EPHB1: variants seen among roughly 807,000 people sequenced by gnomAD.
EPHB1 encodes EPH receptor B1, also known as ephrin type-B receptor 1.
EPHB1 carries 30 observed loss-of-function variants against 94.4 expected under a neutral mutation model. The observed-to-expected ratio is 0.32, with a 90% CI of 0.24 to 0.43. The LOEUF (loss-of-function observed/expected upper bound fraction) is 0.43. EPHB1 is among the 20% of genes least tolerant of loss of function. EPHB1 has a pLI of 1.00. For synonymous variants in EPHB1, 522 were observed against 489.1 expected, an observed-to-expected ratio of 1.07 and a Z score of -0.89; for missense variants, 1,055 against 1,308.3, an observed-to-expected ratio of 0.81 and a Z score of 2.99.
intron 3 of EPHB1, among the ~76,000 whole-genome samples, chr3:135,039,426 G>C (rs1052822719): frequency 6.6e-6 from 1 of 152,300 alleles, no homozygotes; most frequent in East Asian, 1.9e-4. Flanking sequence ...CCGTGCGCTC[G>C]CATTCCTCAT....
At position 134,882,765 on chromosome 3, in the gene EPHB1, C is replaced by CTTTCTTT. The variant is rs1553861895; in HGVS notation, c.59-43051_59-43050insTTTCTTT. Among the ~76,000 whole-genome samples the CTTTCTTT allele has an allele frequency of 9.3e-3, 743 of 79,852 alleles. 19 individuals carry two copies. Among genetic ancestry groups the CTTTCTTT allele is most frequent in the South Asian group, 0.018 (36 of 2,020 alleles). The allele number at this position is 79,852 out of a possible 152,430, so 52.4% of individuals were successfully genotyped here. Reference sequence around the variant, plus strand: ...TTCTTTCTTCCTTTCTTCCTTCCTTCCTTTCTTTCTTTCTTTCTTTCTTTC... The same window carrying CTTTCTTT: ...TTCTTTCTTCCTTTCTTCCTTCCTTCTTTCTTTCTTTCTTTCTTTCTTTCTTTCTTTC... On this transcript the variant is annotated intron_variant, in intron 1 of 15. Coordinates refer to ENST00000398015, the MANE Select transcript of EPHB1 (RefSeq NM_004441.5).
intron 3 of EPHB1, among the ~76,000 whole-genome samples, chr3:135,034,974 T>C (rs1454805371): frequency 6.6e-6 from 1 of 152,230 alleles, no homozygotes; most frequent in African/African-American, 2.4e-5. Context: ...ACCTTGAGTA[T>C]GAAAGGCGGA....
At chr3:135,055,252 A>G (rs1006782377) in intron 3 of EPHB1, among the ~76,000 whole-genome samples, 3 of 152,238 alleles carry the variant, frequency 2.0e-5, no homozygotes, top group African/African-American at 2.4e-5. Context: ...ATGATTATGC[A>G]TAACACTTCA....
At chr3:134,953,903 T>C (rs1387094695) in intron 3 of EPHB1, among the ~76,000 whole-genome samples, 1 of 152,240 alleles carries the variant, frequency 6.6e-6, no homozygotes, top group Non-Finnish European at 1.5e-5. Context: ...CCAAATTGTT[T>C]CTTTCCATTT....
At chr3:134,811,263 T>TTTTTTTC (rs1553853002) in intron 1 of EPHB1, among the ~76,000 whole-genome samples, 1 of 148,060 alleles carries the variant, frequency 6.8e-6, no homozygotes, top group Non-Finnish European at 1.5e-5. Context: ...TTTTTTTTTT[T>TTTTTTTC]CTGTCTTGCT....
chr3:135,135,339 GA>G (rs548680920), intron 5 of EPHB1, among the ~76,000 whole-genome samples: 12 of 152,196 alleles, frequency 7.9e-5, no homozygotes, highest in Non-Finnish European at 1.8e-4. Flanking sequence ...CTGATTTGAT[GA>G]ATCTATGTGT....
intron 3 of EPHB1, among the ~76,000 whole-genome samples, chr3:135,056,862 G>A (rs929542351): frequency 6.6e-6 from 1 of 152,156 alleles, no homozygotes; most frequent in East Asian, 1.9e-4. Flanking sequence ...CATCCAGGCG[G>A]TGAGCCCCAA....
intron 1 of EPHB1, among the ~76,000 whole-genome samples, chr3:134,824,597 T>G (rs2036442683): frequency 6.6e-6 from 1 of 152,182 alleles, no homozygotes; most frequent in African/African-American, 2.4e-5. Flanking sequence ...TTTCCTCCCC[T>G]TAAGTATGGA....
intron 3 of EPHB1, among the ~76,000 whole-genome samples, chr3:135,046,698 C>A (rs1937010003): frequency 6.6e-6 from 1 of 152,192 alleles, no homozygotes; most frequent in South Asian, 2.1e-4. Flanking sequence ...GCCGAGCAAT[C>A]TGTGTCTTAA....
chr3:135,030,521 C>T (rs9827226), intron 3 of EPHB1, among the ~76,000 whole-genome samples: 48,588 of 152,088 alleles, frequency 0.32, 9,109 homozygotes, highest in Non-Finnish European at 0.41. Context: ...AGGGTGCCTC[C>T]CAGTTAGGCT....
At chr3:135,237,118 G>C (rs746813011) in intron 12 of EPHB1, among the ~76,000 whole-genome samples, 6 of 152,086 alleles carry the variant, frequency 3.9e-5, no homozygotes, top group African/African-American at 7.2e-5. Context: ...GCTGCAGACT[G>C]TCTGAAGCTG....
intron 1 of EPHB1, among the ~76,000 whole-genome samples, chr3:134,867,343 C>T (rs1217747619): frequency 1.3e-5 from 2 of 152,188 alleles, no homozygotes; most frequent in Non-Finnish European, 2.9e-5. Flanking sequence ...CCCCACTGCT[C>T]AAATGATGGA....
intron 3 of EPHB1, among the ~76,000 whole-genome samples, chr3:135,049,233 A>G (rs772419936): frequency 2.0e-5 from 3 of 152,218 alleles, no homozygotes; most frequent in Admixed American, 6.5e-5. Flanking sequence ...AAGCCACTTA[A>G]TGTGTTCTGA....
At chr3:134,937,914 T>TG (rs2039037869) in intron 2 of EPHB1, among the ~76,000 whole-genome samples, 1 of 144,812 alleles carries the variant, frequency 6.9e-6, no homozygotes, top group African/African-American at 2.6e-5. Context: ...GTTCCCTCCT[T>TG]TTTTTTTTTT....
intron 3 of EPHB1, among the ~76,000 whole-genome samples, chr3:134,984,628 G>T (rs1054907630): frequency 4.0e-5 from 6 of 151,874 alleles, no homozygotes; most frequent in African/African-American, 1.2e-4. Context: ...AGAGAGGGAA[G>T]GGCCCTCACC....
At chr3:134,920,359 G>A (rs1434888373) in intron 1 of EPHB1, among the ~76,000 whole-genome samples, 2 of 152,178 alleles carry the variant, frequency 1.3e-5, no homozygotes, top group African/African-American at 4.8e-5. Context: ...TTACGTAATA[G>A]CAGCTTTGTT....
In EPHB1 at chr3:134,833,325, G is replaced by A. The variant is rs545132175; in HGVS notation, c.58+37636G>A. On this transcript the variant is annotated intron_variant, in intron 1 of 15. Coordinates refer to ENST00000398015, the MANE Select transcript of EPHB1 (RefSeq NM_004441.5). Reference sequence around the variant, plus strand: ...TTGATGGGAAAGACTGCCCAGGATAGAGTGTGCTGGATGAACTCATGTTCT... The same window carrying A: ...TTGATGGGAAAGACTGCCCAGGATAAAGTGTGCTGGATGAACTCATGTTCT... Among the ~76,000 whole-genome samples the A allele has an allele frequency of 2.0e-4, 30 of 152,374 alleles. No homozygotes were observed. In the East Asian group the frequency reaches 3.5e-3, roughly 18 times the overall value.
chr3:135,073,840 G>T (rs955679207), intron 3 of EPHB1, among the ~76,000 whole-genome samples: 2 of 151,994 alleles, frequency 1.3e-5, no homozygotes, highest in East Asian at 3.9e-4. Flanking sequence ...TCCATAGTCT[G>T]AGTTTGCTCG....
At chr3:135,207,177 A>AT (rs1338788245) in intron 12 of EPHB1, among the ~76,000 whole-genome samples, 1 of 152,142 alleles carries the variant, frequency 6.6e-6, no homozygotes, top group Admixed American at 6.5e-5. Flanking sequence ...TTCTGTACAC[A>AT]TTATTTGGAT....
Sources: allele counts gnomAD v4.1 joint callset (sites outside exome capture counted in the v4.1 genomes callset), GRCh38; gene constraint gnomAD v4.1.1; transcripts MANE v1.5; gene names NCBI Gene and HGNC (gene_info 2026-07-23, HGNC 2026-07-21).